Variants in NCOA7 observed in about 807,000 individuals in gnomAD.
NCOA7 encodes 140 kDa estrogen receptor-associated protein.
In NCOA7, 45 loss-of-function variants were observed where a neutral mutation model predicts 104.3. That is an observed-to-expected ratio of 0.43 (90% CI 0.34 to 0.55). The LOEUF (loss-of-function observed/expected upper bound fraction) is 0.55, where lower values mean the gene tolerates loss of function less well. NCOA7 is among the 20% of genes least tolerant of loss of function. NCOA7 has a pLI of 0.02. For missense variants in NCOA7, 1,041 were observed against 1,119.7 expected, an observed-to-expected ratio of 0.93 and a Z score of 1.00; for synonymous variants, 398 against 402.3, an observed-to-expected ratio of 0.99 and a Z score of 0.13.
At chr6:125,825,470 C>T (rs1455167857) in intron 2 of NCOA7, among the ~76,000 whole-genome samples, 3 of 152,050 alleles carry the variant, frequency 2.0e-5, no homozygotes, top group East Asian at 1.9e-4. Context: ...TTAATTTTTC[C>T]TGTGTATGTG....
intron 10 of NCOA7, among the ~76,000 whole-genome samples, chr6:125,894,913 G>C (rs1294930613): frequency 6.6e-6 from 1 of 152,036 alleles, no homozygotes; most frequent in Admixed American, 6.6e-5. Context: ...TATTTACCTA[G>C]TTTTAAGTAA....
At position 125,931,644 on chromosome 6, in the gene NCOA7, C is replaced by T. The variant is rs147237242; in HGVS notation, c.*2873C>T. The T allele has an allele frequency of 6.6e-6, 1 of 152,332 alleles. No individual in the cohort carries two copies. The highest frequency in any genetic ancestry group is 1.9e-4 in the East Asian group (1 of 5,188). 9.4% of individuals were successfully genotyped at this position (152,332 alleles called of 1,614,324 possible). On this transcript the variant is annotated 3_prime_UTR_variant, in exon 16 of 16. Coordinates refer to ENST00000392477, the MANE Select transcript of NCOA7 (RefSeq NM_181782.5). ...TCCCCGTGCTACAAGCCACCAGAGA[C>T]ATCCTGCACTATTATAAGTATGTCT...
chr6:125,883,224 G>A (rs1783991014), intron 7 of NCOA7, among the ~76,000 whole-genome samples: 1 of 152,142 alleles, frequency 6.6e-6, no homozygotes, highest in African/African-American at 2.4e-5. Flanking sequence ...GATAACCAGT[G>A]AGTTCCTGTG....
At chr6:125,910,653 A>T (rs373662885) in intron 10 of NCOA7, among the ~76,000 whole-genome samples, 15 of 152,356 alleles carry the variant, frequency 9.8e-5, no homozygotes, top group African/African-American at 3.6e-4. Context: ...GTGAGGTTGT[A>T]TGTGAAAATG....
chr6:125,844,229 C>G (rs1780404631), intron 2 of NCOA7, among the ~76,000 whole-genome samples: 1 of 152,196 alleles, frequency 6.6e-6, no homozygotes, highest in Non-Finnish European at 1.5e-5. Context: ...TATGTGTACC[C>G]ATCTGAAGGA....
At chr6:125,868,114 C>G (rs942197031) in intron 3 of NCOA7, among the ~76,000 whole-genome samples, 7 of 152,162 alleles carry the variant, frequency 4.6e-5, no homozygotes, top group African/African-American at 1.7e-4. Flanking sequence ...TCTTAGTTTT[C>G]TAACAGTTGG....
At chr6:125,898,249 G>T (rs1010927489) in intron 10 of NCOA7, among the ~76,000 whole-genome samples, 4 of 152,116 alleles carry the variant, frequency 2.6e-5, no homozygotes, top group Non-Finnish European at 5.9e-5. Context: ...AAAACTATGG[G>T]TGCTAAGCTT....
At chr6:125,806,622 G>A (rs990851118) in intron 1 of NCOA7, among the ~76,000 whole-genome samples, 5 of 152,130 alleles carry the variant, frequency 3.3e-5, no homozygotes, top group East Asian at 1.9e-4. Context: ...TGGGAAGGGC[G>A]CTACTGGCAT....
chr6:125,897,911 T>G (rs1468000533), intron 10 of NCOA7, among the ~76,000 whole-genome samples: 1 of 152,242 alleles, frequency 6.6e-6, no homozygotes, highest in Non-Finnish European at 1.5e-5. Context: ...ACTTCTGATT[T>G]CAAGTGATCC....
At chr6:125,801,819 A>C (rs367832740) in intron 1 of NCOA7, among the ~76,000 whole-genome samples, 431 of 152,346 alleles carry the variant, frequency 2.8e-3, no homozygotes, top group African/African-American at 1.0e-2. Context: ...ACACCACTCC[A>C]GTGTGATTTC....
chr6:125,897,865 G>T (rs1474541083), intron 10 of NCOA7, among the ~76,000 whole-genome samples: 2 of 152,152 alleles, frequency 1.3e-5, no homozygotes, highest in East Asian at 3.8e-4. Context: ...TTTTAGTAGA[G>T]ACAGGGTTTC....
chr6:125,853,236 A>G (rs768914917), intron 2 of NCOA7, among the ~76,000 whole-genome samples: 3 of 152,122 alleles, frequency 2.0e-5, no homozygotes, highest in Non-Finnish European at 4.4e-5. Flanking sequence ...TAGCAGTGCT[A>G]CTGATCTGTG....
chr6:125,884,740 A>G (rs1326442014), intron 7 of NCOA7, among the ~76,000 whole-genome samples: 2 of 152,236 alleles, frequency 1.3e-5, no homozygotes, highest in Non-Finnish European at 2.9e-5. Context: ...AGAACCATGC[A>G]CTTGTCAGAC....
rs151120264 is a variant in NCOA7, at chr6:125,785,368, C to T, written c.-141-769C>T. Among the ~76,000 whole-genome samples the T allele has an allele frequency of 2.9e-3, 448 of 152,238 alleles. 3 individuals are homozygous for T. The highest frequency in any genetic ancestry group is 0.01 in the African/African-American group (422 of 41,548). ...AAAAAACTGGTGAGATCTGAATAAG[C>T]TCTCAAGATTGTACCAATGTCAATT... On this transcript the variant is annotated intron_variant, in intron 1 of 16. Transcript: ENST00000368357.
At chr6:125,823,135 T>C (rs1562834391) in intron 2 of NCOA7, among the ~76,000 whole-genome samples, 1 of 152,164 alleles carries the variant, frequency 6.6e-6, no homozygotes, top group Non-Finnish European at 1.5e-5. Flanking sequence ...TTGCATGATT[T>C]CCATAGCTCT....
intron 5 of NCOA7, among the ~76,000 whole-genome samples, chr6:125,879,110 A>G (rs1277609231): frequency 6.6e-6 from 1 of 152,246 alleles, no homozygotes; most frequent in East Asian, 1.9e-4. Context: ...TAGTTTAGCT[A>G]TATAAGATAA....
intron 2 of NCOA7, among the ~76,000 whole-genome samples, chr6:125,853,513 C>T (rs1781298457): frequency 6.6e-6 from 1 of 152,186 alleles, no homozygotes; most frequent in Non-Finnish European, 1.5e-5. Flanking sequence ...TTTTCCTCTG[C>T]TGCTCTGTCT....
At chr6:125,823,600 A>G (rs911172084) in intron 2 of NCOA7, among the ~76,000 whole-genome samples, 2 of 152,180 alleles carry the variant, frequency 1.3e-5, no homozygotes, top group Admixed American at 6.5e-5. Flanking sequence ...AAAAATATCC[A>G]TGGTCAAGTT....
At chr6:125,818,640 T>C (rs1268076024) in intron 2 of NCOA7, among the ~76,000 whole-genome samples, 1 of 152,054 alleles carries the variant, frequency 6.6e-6, no homozygotes, top group Non-Finnish European at 1.5e-5. Context: ...GCTCTTACAA[T>C]GCAGTGGAAG....
Sources: allele counts gnomAD v4.1 joint callset (sites outside exome capture counted in the v4.1 genomes callset), GRCh38; gene constraint gnomAD v4.1.1; transcripts MANE v1.5; gene names NCBI Gene and HGNC (gene_info 2026-07-23, HGNC 2026-07-21).